Variants in THRB observed in about 807,000 individuals in gnomAD.
The protein encoded by THRB is thyroid hormone receptor beta, also known as nuclear receptor subfamily 1 group A member 2.
In THRB, 12 loss-of-function variants were observed where a neutral mutation model predicts 47.8. The observed-to-expected ratio is 0.25, with a 90% CI of 0.16 to 0.41. The LOEUF (loss-of-function observed/expected upper bound fraction) is 0.41. Among genes scored for constraint, THRB ranks in the 10% least tolerant of loss-of-function variants. The pLI is 1.00. For synonymous variants in THRB, 218 were observed against 212.2 expected, an observed-to-expected ratio of 1.03 and a Z score of -0.24; for missense variants, 348 against 589.2, an observed-to-expected ratio of 0.59 and a Z score of 4.24.
rs577257548 is a variant in THRB at position 24,208,837 on chromosome 3, A to C, written c.23-18503T>G. ...CCAAAAGCAACAAAAGCCAAAATTGACAAATGGGTTCTAATTAAACTAAAG... is the reference window on the plus strand; with the variant it reads ...CCAAAAGCAACAAAAGCCAAAATTGCCAAATGGGTTCTAATTAAACTAAAG... On this transcript the variant is annotated intron_variant, in intron 4 of 10. Coordinates refer to ENST00000646209, the MANE Select transcript of THRB (RefSeq NM_001354712.2). Among the ~76,000 whole-genome samples, 24 of 152,372 alleles carry C rather than the reference A, an allele frequency of 1.6e-4. No homozygotes were observed. The East Asian group carries it at 4.2e-3, about 27-fold the overall frequency.
At chr3:24,160,502 A>T (rs2038643149) in intron 5 of THRB, among the ~76,000 whole-genome samples, 1 of 152,174 alleles carries the variant, frequency 6.6e-6, no homozygotes. Context: ...GTGACTGCTC[A>T]AAAGCACATT....
intron 5 of THRB, among the ~76,000 whole-genome samples, chr3:24,168,073 G>A (rs370796756): frequency 6.7e-4 from 102 of 152,148 alleles, no homozygotes; most frequent in Admixed American, 2.3e-3. Flanking sequence ...ACTTCCTCAC[G>A]AATGTTTATT....
At chr3:24,378,962 G>A (rs977137688) in intron 1 of THRB, among the ~76,000 whole-genome samples, 1 of 151,958 alleles carries the variant, frequency 6.6e-6, no homozygotes, top group Non-Finnish European at 1.5e-5. Flanking sequence ...TTAAAAAAAT[G>A]CCAGCACCAT....
intron 4 of THRB, among the ~76,000 whole-genome samples, chr3:24,204,617 C>A (rs1244573735): frequency 6.6e-6 from 1 of 152,232 alleles, no homozygotes; most frequent in African/African-American, 2.4e-5. Flanking sequence ...CAAAGGAACA[C>A]AGCTCCTCAC....
intron 1 of THRB, among the ~76,000 whole-genome samples, chr3:24,368,940 G>A (rs1247294669): frequency 1.3e-5 from 2 of 152,170 alleles, no homozygotes; most frequent in African/African-American, 2.4e-5. Flanking sequence ...GAGAGATCAG[G>A]TTATAAACAG....
intron 2 of THRB, among the ~76,000 whole-genome samples, chr3:24,308,750 C>A (rs765098372): frequency 3.9e-5 from 6 of 152,120 alleles, no homozygotes; most frequent in Non-Finnish European, 7.3e-5. Flanking sequence ...AATATTTGCT[C>A]AATTTTAATT....
rs143793346 is a variant in THRB, at chr3:24,300,664, C to T, written c.-188-3293G>A. On this transcript the variant is annotated intron_variant, in intron 2 of 10. Coordinates refer to ENST00000646209, the MANE Select transcript of THRB (RefSeq NM_001354712.2). ...ACCACAGGAATGTATTAGACTCCCCCCATCTCTTCATCTAACTGCAGTGGT... is the reference window on the plus strand; with the variant it reads ...ACCACAGGAATGTATTAGACTCCCCTCATCTCTTCATCTAACTGCAGTGGT... 1.5e-3 allele frequency among the ~76,000 whole-genome samples: 225 copies of T among 152,262 alleles called. 1 individual carries two copies. The highest frequency in any genetic ancestry group is 5.2e-3 in the African/African-American group (217 of 41,544).
intron 4 of THRB, among the ~76,000 whole-genome samples, chr3:24,191,188 C>T (rs1404256377): frequency 2.0e-5 from 3 of 151,640 alleles, no homozygotes; most frequent in Non-Finnish European, 2.9e-5. Context: ...TCCCTGGTGG[C>T]AAATTTTACT....
At chr3:24,177,687 T>A (rs1187058650) in intron 5 of THRB, among the ~76,000 whole-genome samples, 2 of 152,168 alleles carry the variant, frequency 1.3e-5, no homozygotes, top group Non-Finnish European at 2.9e-5. Context: ...AGAAAAAGGA[T>A]TTGTAAAAGT....
chr3:24,182,117 C>T (rs562981150), intron 5 of THRB, among the ~76,000 whole-genome samples: 4 of 152,234 alleles, frequency 2.6e-5, no homozygotes, highest in East Asian at 1.9e-4. Flanking sequence ...AGGAGAATGG[C>T]GTGAACCCGG....
intron 1 of THRB, among the ~76,000 whole-genome samples, chr3:24,452,595 GC>G (rs1341201946): frequency 6.6e-6 from 1 of 152,054 alleles, no homozygotes; most frequent in African/African-American, 2.4e-5. Context: ...CGAGAAACAT[GC>G]TTCCTTCCAC....
chr3:24,466,999 C>A (rs759558108), intron 1 of THRB, among the ~76,000 whole-genome samples: 20 of 152,318 alleles, frequency 1.3e-4, no homozygotes, highest in Non-Finnish European at 2.8e-4. Flanking sequence ...ATTTTGCCCA[C>A]AGTGGAACTC....
At chr3:24,375,769 T>C (rs954048959) in intron 1 of THRB, among the ~76,000 whole-genome samples, 1 of 151,850 alleles carries the variant, frequency 6.6e-6, no homozygotes, top group African/African-American at 2.4e-5. Flanking sequence ...CCAGGGACAT[T>C]GAGGTCTGCT....
At position 24,385,502 on chromosome 3, in the gene THRB, T is replaced by G. The variant is rs577859792; in HGVS notation, c.-260-48131A>C. ...TGGATGTGTTGTCACACTCTCTAAGTGTTGGGGAATTGCTCCCTCCTTTTC... is the reference window on the plus strand; with the variant it reads ...TGGATGTGTTGTCACACTCTCTAAGGGTTGGGGAATTGCTCCCTCCTTTTC... On this transcript the variant is annotated intron_variant, in intron 1 of 10. Transcript: ENST00000646209. 4.3e-4 allele frequency among the ~76,000 whole-genome samples: 66 copies of G among 152,088 alleles called. 1 individual carries two copies. In the South Asian group the frequency reaches 0.014, roughly 32 times the overall value.
At chr3:24,444,530 T>C (rs185878634) in intron 1 of THRB, among the ~76,000 whole-genome samples, 42 of 152,344 alleles carry the variant, frequency 2.8e-4, no homozygotes, top group African/African-American at 9.9e-4. Flanking sequence ...TTTGAAATTA[T>C]TGAAAATTGT....
chr3:24,306,079 C>T (rs565144351), intron 2 of THRB, among the ~76,000 whole-genome samples: 8 of 152,264 alleles, frequency 5.3e-5, no homozygotes, highest in African/African-American at 1.9e-4. Context: ...TGTTGCTTTA[C>T]CTCAGAAACT....
chr3:24,360,917 C>T (rs755609984), intron 1 of THRB, among the ~76,000 whole-genome samples: 3 of 152,016 alleles, frequency 2.0e-5, no homozygotes, highest in African/African-American at 2.4e-5. Flanking sequence ...TGGTGGGGCT[C>T]GAACATCAGT....
At chr3:24,407,602 G>A (rs1412631873) in intron 1 of THRB, among the ~76,000 whole-genome samples, 1 of 151,818 alleles carries the variant, frequency 6.6e-6, no homozygotes, top group African/African-American at 2.4e-5. Context: ...AAGAGACCTT[G>A]CTGCTCATGG....
At chr3:24,153,764 C>T (rs879751474) in intron 5 of THRB, among the ~76,000 whole-genome samples, 9 of 152,210 alleles carry the variant, frequency 5.9e-5, no homozygotes, top group East Asian at 3.9e-4. Context: ...TAAGACCAAA[C>T]AATCAAAATG....
Sources: allele counts gnomAD v4.1 joint callset (sites outside exome capture counted in the v4.1 genomes callset), GRCh38; gene constraint gnomAD v4.1.1; transcripts MANE v1.5; gene names NCBI Gene and HGNC (gene_info 2026-07-23, HGNC 2026-07-21).